ENGASE: variants seen among roughly 807,000 people sequenced by gnomAD.
ENGASE encodes cytosolic endo-beta-N-acetylglucosaminidase.
Under a neutral mutation model 78.5 loss-of-function variants are expected in ENGASE, and 69 were observed. That is an observed-to-expected ratio of 0.88 (90% CI 0.72 to 1.07). ENGASE has a LOEUF of 1.07. Among genes scored for constraint, ENGASE ranks in the 50% least tolerant of loss-of-function variants. The pLI, the probability that ENGASE is intolerant of heterozygous loss-of-function variation, is 0.00. For synonymous variants in ENGASE, 408 were observed against 408.9 expected (o/e 1.00, Z 0.03); for missense variants, 943 against 988.4 (o/e 0.95, Z 0.62).
At position 79,083,439 on chromosome 17, in the gene ENGASE, T is replaced by C. The variant is rs1390717927; in HGVS notation, c.1143-43T>C. On this transcript the variant is annotated intron_variant, in intron 8 of 13. Coordinates refer to ENST00000579016, the MANE Select transcript of ENGASE (RefSeq NM_001042573.3). This position sits in a 1 kb window ranked among gnomAD's most constrained non-coding sequence, Gnocchi z 4.9. The stretch of plus-strand genomic sequence containing the variant: ...GTTTGAGGGACACTGAGAGGCTCCC[T>C]CCCTTCCTCCGGACCGAGCTGTTGC... 17 of 1,494,560 alleles carry C rather than the reference T, an allele frequency of 1.1e-5. No individual in the cohort carries two copies. The highest frequency in any genetic ancestry group is 1.6e-5 in the Non-Finnish European group (17 of 1,077,624). 92.6% of individuals were successfully genotyped at this position (1,494,560 alleles called of 1,614,324 possible). A position where few individuals can be genotyped will look rare whatever the true frequency, so the allele number is the denominator to read the frequency against.
Position 79,086,629 on chromosome 17 carries a change from G to A in ENGASE, c.*280G>A. The A allele has an allele frequency of 9.2e-6, 5 of 540,738 alleles. No individual in the cohort carries two copies. The highest frequency in any genetic ancestry group is 1.7e-5 in the Non-Finnish European group (5 of 300,624). The allele number at this position is 540,738 out of a possible 1,614,324, so 33.5% of individuals were successfully genotyped here. A position where few individuals can be genotyped will look rare whatever the true frequency, so the allele number is the denominator to read the frequency against. On this transcript the variant is annotated 3_prime_UTR_variant, in exon 14 of 14. Coordinates refer to ENST00000579016, the MANE Select transcript of ENGASE (RefSeq NM_001042573.3). ...TCCCCACGGTACCTGGTTCCCAGGT[G>A]AAAATGAAAGGAGGGGAGAAGTTGA...
chr17:79,077,499 TGAG>T lies in ENGASE; in HGVS notation c.214+6_214+8del. ...GTTTTTCCCCGGACCCCCTGCCAGG[TGAG>T]GAGACAGAGGCTCTGAATACCGATC... On this transcript the variant is annotated splice_donor_5th_base_variant and intron_variant, in intron 2 of 13. Transcript: ENST00000579016. 6.4e-7 allele frequency: 1 copy of T among 1,554,200 alleles called. No individual in the cohort carries two copies. The highest frequency in any genetic ancestry group is 1.3e-5 in the South Asian group (1 of 79,328).
chr17:79,083,595 G>A lies in ENGASE; in HGVS notation c.1251+5G>A. The A allele has an allele frequency of 6.2e-7, 1 of 1,612,598 alleles. No homozygotes were observed. The highest frequency in any genetic ancestry group is 8.5e-7 in the Non-Finnish European group (1 of 1,178,652). On this transcript the variant is annotated splice_donor_5th_base_variant and intron_variant, in intron 9 of 13. Coordinates refer to ENST00000579016, the MANE Select transcript of ENGASE (RefSeq NM_001042573.3). This position sits in a 1 kb window ranked among gnomAD's most constrained non-coding sequence, Gnocchi z 4.9. ...CGGAGGGTCTGCTATGGCCAGGTGG[G>A]TGGGTGTCTTCCCTCCGTGTCTGTC... is the stretch of plus-strand genomic sequence containing the variant.
intron 12 of ENGASE, 131 bp downstream of exon 12, chr17:79,085,473 A>T: frequency 7.4e-7 from 1 of 1,350,094 alleles, no homozygotes; most frequent in Non-Finnish European, 1.0e-6. Flanking sequence ...GAAGCCCAGG[A>T]CAGCTGCTGG....
At chr17:79,076,698 G>A (rs1478004013) in intron 1 of ENGASE, among the ~76,000 whole-genome samples, 1 of 152,218 alleles carries the variant, frequency 6.6e-6, no homozygotes, top group Non-Finnish European at 1.5e-5. Context: ...GGCACTTAGG[G>A]AAGTGTGGCC....
rs768661797 is a variant in ENGASE, at chr17:79,081,929, A to T, written c.904A>T (p.Thr302Ser). The T allele has an allele frequency of 6.2e-7, 1 of 1,613,658 alleles. No individual in the cohort carries two copies. The highest frequency in any genetic ancestry group is 8.5e-7 in the Non-Finnish European group (1 of 1,179,744). The change falls in exon 7 of 14, where the codon ACT (threonine) becomes TCT (serine). Residue 302 changes from threonine to serine, a missense_variant. Coordinates refer to ENST00000579016, the MANE Select transcript of ENGASE (RefSeq NM_001042573.3). ...VFFDSCDGFFTNYNWREEHLE... is the reference protein window; with the variant it reads ...VFFDSCDGFFSNYNWREEHLE... ...CTTTGATTCCTGCGACGGCTTCTTC[A>T]CTAACTATAACTGGCGGGAGGAGCA...
chr17:79,075,404 C>T (rs1237064713), intron 1 of ENGASE, among the ~76,000 whole-genome samples: 1 of 152,228 alleles, frequency 6.6e-6, no homozygotes, highest in South Asian at 2.1e-4. Flanking sequence ...CTGCTTCCCA[C>T]GTCGCTGGTC....
In ENGASE at chr17:79,083,475, C is replaced by G; in HGVS notation, c.1143-7C>G. 2 of 1,610,882 alleles carry G rather than the reference C, an allele frequency of 1.2e-6. No homozygotes were observed. The highest frequency in any genetic ancestry group is 1.7e-6 in the Non-Finnish European group (2 of 1,177,256). On this transcript the variant is annotated splice_polypyrimidine_tract_variant and splice_region_variant and intron_variant, in intron 8 of 13. Transcript: ENST00000579016. The surrounding 1 kb of genome is among the most constrained non-coding windows in gnomAD (Gnocchi z 4.9). ...GGACCGAGCTGTTGCCCCCATGTCT[C>G]TGGCAGGTTCTGGGGCCGACTGGAG...
chr17:79,085,591 G>A (rs374837739), intron 12 of ENGASE, 29 bp from the exon 13 acceptor site: 162 of 1,611,066 alleles, frequency 1.0e-4, no homozygotes, highest in Admixed American at 3.5e-4. Context: ...GGCTGAGCCC[G>A]GCCAGTGATC....
chr17:79,075,794 G>A, intron 1 of ENGASE: 1 of 985,464 alleles, frequency 1.0e-6, no homozygotes, highest in Non-Finnish European at 1.2e-6. Context: ...ACCTCATGAA[G>A]ATGGGATGAA....
chr17:79,087,294 TC>T lies in ENGASE; in HGVS notation c.*947del. 3.0e-6 allele frequency: 1 copy of T among 335,138 alleles called. No individual in the cohort carries two copies. The highest frequency in any genetic ancestry group is 6.0e-6 in the Non-Finnish European group (1 of 167,128). The allele number at this position is 335,138 out of a possible 1,614,324, so 20.8% of individuals were successfully genotyped here. A position where few individuals can be genotyped will look rare whatever the true frequency, so the allele number is the denominator to read the frequency against. On this transcript the variant is annotated 3_prime_UTR_variant, in exon 14 of 14. Transcript: ENST00000579016. ...TTTCCAGCTACTCTGTTCCTTCACGTCCTCCCTTCTCAGCCTCGTCCAAGCA... is the reference window on the plus strand; with the variant it reads ...TTTCCAGCTACTCTGTTCCTTCACGTCTCCCTTCTCAGCCTCGTCCAAGCA...
In ENGASE at chr17:79,087,161, C is replaced by T. The variant is rs145314538; in HGVS notation, c.*812C>T. On this transcript the variant is annotated 3_prime_UTR_variant, in exon 14 of 14. Transcript: ENST00000579016. Reference sequence around the variant, plus strand: ...GAGAGGCCGTGGGCTCTGGACAAGCCGCCCTTCAGGCTGGGGTAGCAGGTC... The same window carrying T: ...GAGAGGCCGTGGGCTCTGGACAAGCTGCCCTTCAGGCTGGGGTAGCAGGTC... 1.8e-3 allele frequency: 741 copies of T among 417,024 alleles called. No individual in the cohort carries two copies. Among genetic ancestry groups the T allele is most frequent in the Non-Finnish European group, 2.6e-3 (517 of 202,648 alleles). 25.8% of individuals were successfully genotyped at this position (417,024 alleles called of 1,614,324 possible).
rs1164360246 is a variant in ENGASE, at chr17:79,077,806, A to G, written c.358A>G (p.Ser120Gly). The change falls in exon 3 of 14, where the codon AGC becomes GGC. Residue 120 changes from serine to glycine, a missense_variant. Ser to Gly is a moderately conservative substitution (Grantham distance 56). Transcript: ENST00000579016. ...GGCGTGTCGCCAGCCCCCTCTGAGCAGCCAGAGGCCCCGGACTTTGTTGTG... is the reference window on the plus strand; with the variant it reads ...GGCGTGTCGCCAGCCCCCTCTGAGCGGCCAGAGGCCCCGGACTTTGTTGTG... ...PLACRQPPLSSQRPRTLLCHD... is the reference protein window; with the variant it reads ...PLACRQPPLSGQRPRTLLCHD... 3 of 1,614,116 alleles carry G rather than the reference A, an allele frequency of 1.9e-6. No homozygotes were observed. Among genetic ancestry groups the G allele is most frequent in the South Asian group, 1.1e-5 (1 of 91,084 alleles).
rs200435300 is a variant in ENGASE, at chr17:79,083,763, A to C, written c.1254A>C (p.Glu418Asp). 57 of 1,607,042 alleles carry C rather than the reference A, an allele frequency of 3.5e-5. No homozygotes were observed. Among genetic ancestry groups the C allele is most frequent in the Non-Finnish European group, 4.4e-5 (52 of 1,176,558 alleles). The change falls in exon 10 of 14, where the codon GAA becomes GAC. Residue 418 changes from glutamate to aspartate, a missense_variant and splice_region_variant. Physicochemically the swap from Glu to Asp is conservative, Grantham distance 45 (BLOSUM62 2). Transcript: ENST00000579016. The surrounding 1 kb of genome is among the most constrained non-coding windows in gnomAD (Gnocchi z 4.9). ...CCCTGTTCTGCCCTTTTCTTCAGGA[A>C]GAGGCGGTAGGGCCCTGGTACCACC... ...MGARRVCYGQ[E>D]EAVGPWYHLS...
intron 7 of ENGASE, chr17:79,082,605 C>G: frequency 4.7e-6 from 6 of 1,268,836 alleles, no homozygotes; most frequent in Non-Finnish European, 6.1e-6. Context: ...TCTGGTCTAT[C>G]AGTCCTGCCC....
chr17:79,088,513 G>C lies in ENGASE; in HGVS notation c.*2164G>C, dbSNP rs114180416. The C allele has an allele frequency of 2.0e-5, 3 of 152,266 alleles. No individual in the cohort carries two copies. The highest frequency in any genetic ancestry group is 7.2e-5 in the African/African-American group (3 of 41,466). The allele number at this position is 152,266 out of a possible 1,614,324, so 9.4% of individuals were successfully genotyped here. A position where few individuals can be genotyped will look rare whatever the true frequency, so the allele number is the denominator to read the frequency against. ...CAGCCCACCGCCATGCAGGGCTCGC[G>C]TGCGGGAAAACTAATATGCCGGCGT... On this transcript the variant is annotated 3_prime_UTR_variant, in exon 14 of 14. Coordinates refer to ENST00000579016, the MANE Select transcript of ENGASE (RefSeq NM_001042573.3).
intron 10 of ENGASE, chr17:79,084,243 TC>T: frequency 5.2e-6 from 1 of 193,868 alleles, no homozygotes; most frequent in Non-Finnish European, 8.8e-6. Flanking sequence ...CCCCCCATCC[TC>T]CCCCAGCCCC....
chr17:79,080,834 C>T, intron 5 of ENGASE, 91 bp from the exon 6 acceptor site: 7 of 1,492,000 alleles, frequency 4.7e-6, no homozygotes, highest in Admixed American at 2.3e-5. Flanking sequence ...TCTGTTTGCT[C>T]TGCATCCCCC....
rs1442966428 is a variant in ENGASE, at chr17:79,088,496, C to T, written c.*2147C>T. 2 of 152,264 alleles carry T rather than the reference C, an allele frequency of 1.3e-5. No homozygotes were observed. The highest frequency in any genetic ancestry group is 4.8e-5 in the African/African-American group (2 of 41,466). 9.4% of individuals were successfully genotyped at this position (152,264 alleles called of 1,614,324 possible). ...GCACCGCCCCGGCTCCCCAGCCCACCGCCATGCAGGGCTCGCGTGCGGGAA... is the reference window on the plus strand; with the variant it reads ...GCACCGCCCCGGCTCCCCAGCCCACTGCCATGCAGGGCTCGCGTGCGGGAA... On this transcript the variant is annotated 3_prime_UTR_variant, in exon 14 of 14. Transcript: ENST00000579016.
Sources: allele counts gnomAD v4.1 joint callset (sites outside exome capture counted in the v4.1 genomes callset), GRCh38; gene constraint gnomAD v4.1.1; non-coding constraint Gnocchi (gnomAD v3.1); transcripts MANE v1.5; gene names NCBI Gene and HGNC (gene_info 2026-07-23, HGNC 2026-07-21).